RANBP17: variants seen among roughly 807,000 people sequenced by gnomAD.
RANBP17 encodes the protein ran-binding protein 17.
Under a neutral mutation model 141.2 loss-of-function variants are expected in RANBP17, and 158 were observed. The observed-to-expected ratio is 1.12, with a 90% confidence interval of 0.98 to 1.28. RANBP17 has a LOEUF of 1.28. Among genes scored for constraint, RANBP17 ranks in the 50% most tolerant of loss-of-function variants. The pLI is 0.00. For missense variants in RANBP17, 1,438 were observed against 1,290.7 expected (o/e 1.11, Z -1.75); for synonymous variants, 430 against 450.0 (o/e 0.96, Z 0.56).
intron 16 of RANBP17, among the ~76,000 whole-genome samples, chr5:171,177,966 TA>T (rs1760605866): frequency 6.6e-6 from 1 of 152,114 alleles, no homozygotes; most frequent in Non-Finnish European, 1.5e-5. Flanking sequence ...AAATAATTAT[TA>T]GTATCCCTTA....
chr5:171,188,368 G>A (rs541111991), intron 18 of RANBP17, among the ~76,000 whole-genome samples: 9 of 152,290 alleles, frequency 5.9e-5, no homozygotes, highest in East Asian at 5.8e-4. Flanking sequence ...GAGAAGAGGC[G>A]CAGCCCCAGA....
At position 171,186,526 on chromosome 5, in the gene RANBP17, C is replaced by CTTT. The variant is rs757585137; in HGVS notation, c.2038+3122_2038+3124dup. Among the ~76,000 whole-genome samples the CTTT allele has an allele frequency of 5.4e-3, 224 of 41,646 alleles. 68 individuals are homozygous for CTTT. In the Admixed American group the frequency reaches 0.065, roughly 12 times the overall value. The allele number at this position is 41,646 out of a possible 152,430, so 27.3% of individuals were successfully genotyped here. A position where few individuals can be genotyped will look rare whatever the true frequency, so the allele number is the denominator to read the frequency against. On this transcript the variant is annotated intron_variant, in intron 18 of 27. Transcript: ENST00000523189. Reference sequence around the variant, plus strand: ...GAAATGTTATCACTGGTATGATTTTCTTTTTTTTTTTTTTTTTTTTTTTTT... The same window carrying CTTT: ...GAAATGTTATCACTGGTATGATTTTCTTTTTTTTTTTTTTTTTTTTTTTTTTTT...
intron 14 of RANBP17, among the ~76,000 whole-genome samples, chr5:170,980,592 C>T (rs143563023): frequency 0.01 from 1,599 of 152,324 alleles, 23 homozygotes; most frequent in African/African-American, 0.036. Flanking sequence ...AGGGTGCAAG[C>T]CCCAAGCCTT....
At chr5:170,863,203 G>A (rs1336712883) in intron 1 of RANBP17, among the ~76,000 whole-genome samples, 1 of 152,192 alleles carries the variant, frequency 6.6e-6, no homozygotes, top group Non-Finnish European at 1.5e-5. Context: ...TGTGAGCCAA[G>A]GCAAAGAATT....
intron 25 of RANBP17, among the ~76,000 whole-genome samples, chr5:171,274,165 T>TGCGC (rs1350236788): frequency 7.8e-6 from 1 of 128,518 alleles, no homozygotes; most frequent in East Asian, 2.3e-4. Flanking sequence ...CGCGCGCGCG[T>TGCGC]GCGCAAAATC....
At chr5:171,205,425 G>T in intron 19 of RANBP17, 99 bp from the exon 20 acceptor site, 8 of 934,678 alleles carry the variant, frequency 8.6e-6, no homozygotes, top group Non-Finnish European at 1.3e-5. Context: ...TTTAGCTAAT[G>T]AATCAAAATC....
At chr5:171,135,973 AAG>A (rs1757249876) in intron 14 of RANBP17, among the ~76,000 whole-genome samples, 1 of 152,224 alleles carries the variant, frequency 6.6e-6, no homozygotes, top group Non-Finnish European at 1.5e-5. Flanking sequence ...TCATGTCAAA[AAG>A]AAATAATCAG....
intron 12 of RANBP17, among the ~76,000 whole-genome samples, chr5:170,926,570 A>G (rs1772938733): frequency 6.6e-6 from 1 of 152,026 alleles, no homozygotes; most frequent in South Asian, 2.1e-4. Flanking sequence ...TTGAATTGTA[A>G]ATATCACTCC....
intron 14 of RANBP17, among the ~76,000 whole-genome samples, chr5:171,045,726 A>G (rs1208510035): frequency 3.9e-5 from 6 of 152,298 alleles, no homozygotes; most frequent in African/African-American, 1.2e-4. Context: ...TCACATTTCC[A>G]TCTTTTCTGG....
In RANBP17 at chr5:170,913,048, A is replaced by G. The variant is rs189980969; in HGVS notation, c.761-1119A>G. 6.9e-3 allele frequency among the ~76,000 whole-genome samples: 1,053 copies of G among 152,130 alleles called. 8 individuals are homozygous for G. Among genetic ancestry groups the G allele is most frequent in the Non-Finnish European group, 0.012 (790 of 67,930 alleles). On this transcript the variant is annotated intron_variant, in intron 7 of 27. Transcript: ENST00000523189. ...CAACAGCAGCACTGAAAGCTAGAAA[A>G]CAATAGAGAAGTATCTTCAGGCTTC...
At chr5:170,936,652 C>T (rs1773903331) in intron 12 of RANBP17, among the ~76,000 whole-genome samples, 1 of 152,118 alleles carries the variant, frequency 6.6e-6, no homozygotes, top group Non-Finnish European at 1.5e-5. Context: ...AGAATATTGT[C>T]TGTCCTGGCA....
At position 171,045,106 on chromosome 5, in the gene RANBP17, G is replaced by A. The variant is rs577330006; in HGVS notation, c.1710+76729G>A. 1.8e-3 allele frequency among the ~76,000 whole-genome samples: 269 copies of A among 152,062 alleles called. 1 individual carries two copies. Among genetic ancestry groups the A allele is most frequent in the African/African-American group, 6.2e-3 (257 of 41,532 alleles). ...TTGTCTGTAAATGTGATTTGTATTA[G>A]CTCTGCCAAACTAATTATAATGTAT... On this transcript the variant is annotated intron_variant, in intron 14 of 27. Transcript: ENST00000523189.
At chr5:171,211,269 CT>C (rs796444584) in intron 20 of RANBP17, among the ~76,000 whole-genome samples, 70 of 149,022 alleles carry the variant, frequency 4.7e-4, no homozygotes, top group African/African-American at 1.4e-3. Flanking sequence ...CTTTGTAGTA[CT>C]TTTTTTTTTG....
chr5:170,954,864 C>T (rs1408278176), intron 13 of RANBP17, among the ~76,000 whole-genome samples: 5 of 152,104 alleles, frequency 3.3e-5, no homozygotes, highest in Non-Finnish European at 7.4e-5. Flanking sequence ...ATCCTCTGAA[C>T]CAAGGGTCCC....
chr5:170,916,105 C>T (rs1375245702), intron 8 of RANBP17, among the ~76,000 whole-genome samples: 1 of 147,114 alleles, frequency 6.8e-6, no homozygotes, highest in Non-Finnish European at 1.5e-5. Flanking sequence ...CATTATCATG[C>T]GTTATATTCT....
At chr5:171,192,155 A>G (rs1256906530) in intron 18 of RANBP17, among the ~76,000 whole-genome samples, 1 of 152,210 alleles carries the variant, frequency 6.6e-6, no homozygotes, top group Non-Finnish European at 1.5e-5. Context: ...AATAGCTGAT[A>G]GATAGGAAGA....
intron 25 of RANBP17, among the ~76,000 whole-genome samples, chr5:171,277,360 A>G (rs544710467): frequency 1.1e-4 from 16 of 151,944 alleles, no homozygotes; most frequent in African/African-American, 3.9e-4. Flanking sequence ...AAGGATGGCT[A>G]CCTTGGCCAG....
At chr5:171,201,899 C>T (rs375707949) in intron 19 of RANBP17, among the ~76,000 whole-genome samples, 1 of 152,162 alleles carries the variant, frequency 6.6e-6, no homozygotes, top group Non-Finnish European at 1.5e-5. Context: ...GAGATAAAAA[C>T]ATTTCTGTTT....
chr5:171,297,391 GA>G (rs1203783206), intron 27 of RANBP17, among the ~76,000 whole-genome samples: 1 of 151,462 alleles, frequency 6.6e-6, no homozygotes, highest in Non-Finnish European at 1.5e-5. Flanking sequence ...TTCAGGGGGC[GA>G]AAAAAAAGGC....
Sources: gnomAD v4.1 joint callset for allele counts (sites outside exome capture counted in the v4.1 genomes callset) on GRCh38, gnomAD v4.1.1 for gene constraint, MANE v1.5 for transcripts, NCBI Gene and HGNC (gene_info 2026-07-23, HGNC 2026-07-21) for gene names.